VWF: variants seen among roughly 807,000 people sequenced by gnomAD.
The protein encoded by VWF is Factor VIII related antigen.
A neutral mutation model predicts 308.6 loss-of-function variants in VWF; 176 were observed. The observed-to-expected ratio is 0.57, with a 90% CI of 0.50 to 0.65. VWF has a LOEUF of 0.65. Among genes scored for constraint, VWF ranks in the 30% least tolerant of loss-of-function variants. The pLI, the probability that VWF is intolerant of heterozygous loss-of-function variation, is 0.00. For missense variants in VWF, 3,146 were observed against 3,648.2 expected, an observed-to-expected ratio of 0.86 and a Z score of 3.55; for synonymous variants, 1,385 against 1,443.4, an observed-to-expected ratio of 0.96 and a Z score of 0.92.
intron 38 of VWF, among the ~76,000 whole-genome samples, chr12:5,991,167 TCACACA>T (rs201361783): frequency 0.021 from 2,770 of 134,946 alleles, 57 homozygotes; most frequent in African/African-American, 0.054. Flanking sequence ...CAAGGGATTC[TCACACA>T]CACACACACA....
In VWF at chr12:6,058,024, C is replaced by T; in HGVS notation, c.1554G>A (p.Gly518=). ...AATTCCCACACAGGCCGCAGGTCTT[C>T]CCGGCATAGACGGGGGACAGCTGCA... is the stretch of plus-strand genomic sequence containing the variant. ...LLVKLSPVYA[G]KTCGLCGNYN... is the part of the protein sequence containing the mutation. The change falls in exon 14 of 52, where the codon GGG becomes GGA. Residue 518 remains glycine (G), a synonymous_variant. Transcript: ENST00000261405. The surrounding 1 kb of genome is among the most constrained non-coding windows in gnomAD (Gnocchi z 4.9). 1 of 1,613,226 alleles carries T rather than the reference C, an allele frequency of 6.2e-7. No individual in the cohort carries two copies. The highest frequency in any genetic ancestry group is 1.1e-5 in the South Asian group (1 of 91,086).
intron 21 of VWF, among the ~76,000 whole-genome samples, chr12:6,030,526 C>T (rs11609728): frequency 6.6e-6 from 1 of 152,020 alleles, no homozygotes; most frequent in African/African-American, 2.4e-5. Context: ...GTCAAAGCAG[C>T]GGATCCAAAA....
At chr12:6,030,196 T>C (rs773450167) in intron 21 of VWF, among the ~76,000 whole-genome samples, 27 of 152,282 alleles carry the variant, frequency 1.8e-4, no homozygotes, top group Admixed American at 3.3e-4. Flanking sequence ...TAGTAACATA[T>C]CACATGCAGT....
chr12:6,048,828 G>C (rs1013258951), intron 16 of VWF, among the ~76,000 whole-genome samples: 2 of 152,218 alleles, frequency 1.3e-5, no homozygotes, highest in African/African-American at 4.8e-5. Context: ...GAATAAACAA[G>C]AGAATCAGCC....
rs142316324 is a variant in VWF at position 5,967,599 on chromosome 12, C to T, written c.7774G>A (p.Gly2592Arg). ...CMLNGTVIGPGKTVMIDVCTT... is the reference protein window; with the variant it reads ...CMLNGTVIGPRKTVMIDVCTT... The stretch of plus-strand genomic sequence containing the variant: ...CACACATCGATCATCACAGTCTTCC[C>T]GGGCTGGAAGCAGAGGCACCAGGGT... Residue 2592 changes from glycine to arginine, a missense_variant, in exon 47 of 52, where the codon GGG (glycine) becomes AGG (arginine). By Grantham distance (125) the Gly-to-Arg change is moderately radical (BLOSUM62 -2). Around this residue, in one of 3 missense-constraint regions of VWF, gnomAD observed 989 missense variants for 1,117.4 expected, o/e 0.89. Coordinates refer to ENST00000261405, the MANE Select transcript of VWF (RefSeq NM_000552.5). 112 of 1,613,442 alleles carry T rather than the reference C, an allele frequency of 6.9e-5. 1 individual carries two copies. The highest frequency in any genetic ancestry group is 4.0e-4 in the African/African-American group (30 of 74,886).
intron 5 of VWF, among the ~76,000 whole-genome samples, chr12:6,108,014 C>T (rs1463347385): frequency 6.6e-6 from 1 of 151,940 alleles, no homozygotes; most frequent in African/African-American, 2.4e-5. Context: ...ACAAAGCAGG[C>T]CAGGCACGGT....
At chr12:5,955,658 A>T (rs1943240961) in intron 47 of VWF, among the ~76,000 whole-genome samples, 2 of 151,664 alleles carry the variant, frequency 1.3e-5, no homozygotes, top group Non-Finnish European at 2.9e-5. Context: ...TGCTATTGTG[A>T]CTAGTGTAGC....
At chr12:6,106,431 A>T (rs1283039548) in intron 5 of VWF, among the ~76,000 whole-genome samples, 2 of 152,344 alleles carry the variant, frequency 1.3e-5, no homozygotes, top group Admixed American at 1.3e-4. Context: ...CCAGGAGCCC[A>T]GAGGGAAGAA....
chr12:6,118,268 G>A (rs1272222234), intron 3 of VWF, among the ~76,000 whole-genome samples: 1 of 152,008 alleles, frequency 6.6e-6, no homozygotes, highest in African/African-American at 2.4e-5. Flanking sequence ...CTCGGGGCAG[G>A]GAGTCCAGAG....
intron 50 of VWF, among the ~76,000 whole-genome samples, chr12:5,951,459 G>T (rs1051718679): frequency 3.9e-5 from 6 of 152,204 alleles, no homozygotes; most frequent in Non-Finnish European, 8.8e-5. Context: ...TAGATCCAAG[G>T]TGCCTGTCTT....
At chr12:6,023,557 C>T (rs2136418181) in intron 25 of VWF, 74 bp downstream of exon 25, 1 of 1,591,736 alleles carries the variant, frequency 6.3e-7, no homozygotes, top group Non-Finnish European at 8.6e-7. Flanking sequence ...TCCCCCTGCA[C>T]TCACAAGGTC....
In VWF at chr12:5,968,162, T is replaced by C; in HGVS notation, c.7735A>G (p.Met2579Val). The C allele has an allele frequency of 6.2e-7, 1 of 1,614,040 alleles. No individual in the cohort carries two copies. The highest frequency in any genetic ancestry group is 8.5e-7 in the Non-Finnish European group (1 of 1,179,956). Residue 2579 changes from methionine (M) to valine (V), a missense_variant, in exon 46 of 52, where the codon ATG becomes GTG. Physicochemically the swap from Met to Val is conservative, Grantham distance 21 (BLOSUM62 1). This residue lies in a region of VWF where 989 missense variants were observed against 1,117.4 expected (regional missense o/e 0.89). Transcript: ENST00000261405. The stretch of plus-strand genomic sequence containing the variant: ...GTGCCATTGAGCATGCAGGCCTCCA[T>C]GCGCTCTGGGGGAGAGAAAAGTGCA... ...ACCPSCRCERMEACMLNGTVI... is the reference protein window; with the variant it reads ...ACCPSCRCERVEACMLNGTVI...
At chr12:6,076,617 T>TA (rs1944848009) in intron 6 of VWF, among the ~76,000 whole-genome samples, 1 of 152,046 alleles carries the variant, frequency 6.6e-6, no homozygotes, top group Non-Finnish European at 1.5e-5. Context: ...GATCTTCAGC[T>TA]AAAAAGAAAA....
rs771858185 is a variant in VWF at position 6,052,583 on chromosome 12, A to C, written c.2146T>G (p.Phe716Val). Residue 716 changes from phenylalanine to valine, a missense_variant, in exon 16 of 52, where the codon TTC becomes GTC. Around this residue, in one of 3 missense-constraint regions of VWF, gnomAD observed 1,304 missense variants for 1,353.0 expected, o/e 0.96. Transcript: ENST00000261405. ...QCPCYYDGEI[F>V]QPEDIFSDHH... ...TCTGAGAAGATGTCTTCTGGCTGGA[A>C]GATCTCACCGTCATAGTAACAGGGG... 13 of 1,614,144 alleles carry C rather than the reference A, an allele frequency of 8.1e-6. No homozygotes were observed. Among genetic ancestry groups the C allele is most frequent in the Admixed American group, 5.0e-5 (3 of 60,010 alleles).
At chr12:6,044,167 C>T (rs1591880521) in intron 18 of VWF, 124 bp downstream of exon 18, 8 of 1,270,824 alleles carry the variant, frequency 6.3e-6, no homozygotes, top group Non-Finnish European at 7.5e-6. Flanking sequence ...TTACCAGCAC[C>T]ACCTCCATTG....
chr12:6,034,661 C>A (rs927027144), intron 20 of VWF, 27 bp downstream of exon 20: 1 of 1,613,690 alleles, frequency 6.2e-7, no homozygotes, highest in Non-Finnish European at 8.5e-7. Flanking sequence ...AGAAACAGCA[C>A]CCTCTCCCCA....
At chr12:5,985,159 T>C (rs529168353) in intron 39 of VWF, 40 bp from the exon 40 acceptor site, 3 of 1,590,568 alleles carry the variant, frequency 1.9e-6, no homozygotes, top group East Asian at 4.5e-5. Context: ...GAGAAATTAG[T>C]GGTGGGACAG....
At chr12:6,092,618 A>AGTGTGTGTGTGTGTGTGTGTGTGT (rs752209524) in intron 6 of VWF, among the ~76,000 whole-genome samples, 3 of 66,150 alleles carry the variant, frequency 4.5e-5, no homozygotes, top group Non-Finnish European at 8.7e-5. Context: ...AGTGAGTGAG[A>AGTGTGTGTGTGTGTGTGTGTGTGT]GTGTGTGTGT....
chr12:5,982,768 A>G (rs894127379), intron 41 of VWF, among the ~76,000 whole-genome samples: 1 of 152,204 alleles, frequency 6.6e-6, no homozygotes, highest in South Asian at 2.1e-4. Flanking sequence ...GAAAAACTAT[A>G]AATTTGTTTG....
Sources: gnomAD v4.1 joint callset for allele counts (sites outside exome capture counted in the v4.1 genomes callset) on GRCh38, gnomAD v4.1.1 for gene constraint, gnomAD v4.1.1 regional missense constraint, Gnocchi (gnomAD v3.1) non-coding constraint, MANE v1.5 for transcripts, NCBI Gene and HGNC (gene_info 2026-07-23, HGNC 2026-07-21) for gene names.